The following CDKAL1 variants were observed in gnomAD, a reference collection of about 807,000 sequenced individuals.
CDKAL1 encodes the protein CDKAL1 threonylcarbamoyladenosine tRNA methylthiotransferase.
A neutral mutation model predicts 68.2 loss-of-function variants in CDKAL1; 32 were observed. The observed-to-expected ratio is 0.47, with a 90% confidence interval of 0.35 to 0.63. The LOEUF (loss-of-function observed/expected upper bound fraction) is 0.63, where lower values mean the gene tolerates loss of function less well. Among genes scored for constraint, CDKAL1 ranks in the 30% least tolerant of loss-of-function variants. The pLI is 0.00. For synonymous variants in CDKAL1, 234 were observed against 244.3 expected (o/e 0.96, Z 0.39); for missense variants, 606 against 696.7 (o/e 0.87, Z 1.47).
At chr6:20,843,633 C>T (rs1424274710) in intron 8 of CDKAL1, among the ~76,000 whole-genome samples, 1 of 152,076 alleles carries the variant, frequency 6.6e-6, no homozygotes, top group East Asian at 1.9e-4. Flanking sequence ...AAAATTTTGA[C>T]TGCATTTTGA....
chr6:21,035,054 G>A (rs377728131), intron 11 of CDKAL1, among the ~76,000 whole-genome samples: 2 of 152,124 alleles, frequency 1.3e-5, no homozygotes, highest in Admixed American at 6.6e-5. Context: ...AGAGCAAAAC[G>A]GAGACACCAT....
At chr6:21,056,240 T>TAA (rs1295917336) in intron 11 of CDKAL1, among the ~76,000 whole-genome samples, 6 of 152,208 alleles carry the variant, frequency 3.9e-5, no homozygotes, top group Non-Finnish European at 7.3e-5. Flanking sequence ...GTCCTTCACT[T>TAA]TCCTTGATAG....
intron 9 of CDKAL1, among the ~76,000 whole-genome samples, chr6:20,864,042 G>A (rs1759779300): frequency 6.6e-6 from 1 of 152,094 alleles, no homozygotes; most frequent in Non-Finnish European, 1.5e-5. Context: ...AACTTGGCAC[G>A]ATGTTAACTG....
At chr6:20,816,128 CCCGCCT>C (rs770589040) in intron 8 of CDKAL1, among the ~76,000 whole-genome samples, 4 of 137,448 alleles carry the variant, frequency 2.9e-5, no homozygotes, top group South Asian at 2.3e-4. Flanking sequence ...TGTCCCCCCC[CCCGCCT>C]TTTTTTTTTA....
At chr6:21,090,908 G>A (rs1042781980) in intron 12 of CDKAL1, among the ~76,000 whole-genome samples, 2 of 149,150 alleles carry the variant, frequency 1.3e-5, no homozygotes, top group African/African-American at 4.9e-5. Flanking sequence ...TGGGTCACAC[G>A]ATCCTCCTGC....
At chr6:20,584,342 C>G (rs1489741042) in intron 4 of CDKAL1, among the ~76,000 whole-genome samples, 1 of 151,928 alleles carries the variant, frequency 6.6e-6, no homozygotes, top group Non-Finnish European at 1.5e-5. Context: ...AAAGAGCAGC[C>G]CTGGTCAGTG....
chr6:20,975,862 G>A (rs1428687602), intron 10 of CDKAL1, among the ~76,000 whole-genome samples: 2 of 152,076 alleles, frequency 1.3e-5, no homozygotes, highest in Admixed American at 1.3e-4. Context: ...GTACTTTATG[G>A]CACTCTTACT....
chr6:21,104,105 C>T (rs1223394118), intron 12 of CDKAL1, among the ~76,000 whole-genome samples: 2 of 152,164 alleles, frequency 1.3e-5, no homozygotes, highest in Admixed American at 6.5e-5. Flanking sequence ...GATTTCTTCT[C>T]AGAGCTTCTG....
chr6:20,560,254 TA>T (rs1764215759), intron 4 of CDKAL1, among the ~76,000 whole-genome samples: 2 of 152,258 alleles, frequency 1.3e-5, no homozygotes, highest in East Asian at 3.8e-4. Context: ...ATTGATTTTT[TA>T]AAAAACTTTT....
intron 12 of CDKAL1, among the ~76,000 whole-genome samples, chr6:21,101,401 A>T (rs1421769039): frequency 6.6e-6 from 1 of 152,204 alleles, no homozygotes; most frequent in Non-Finnish European, 1.5e-5. Flanking sequence ...ATTCGCTAAT[A>T]GTTCTAACCT....
At chr6:20,728,760 C>A (rs763549322) in intron 5 of CDKAL1, among the ~76,000 whole-genome samples, 15 of 152,130 alleles carry the variant, frequency 9.9e-5, no homozygotes, top group Non-Finnish European at 1.6e-4. Flanking sequence ...GAGGCAGTCA[C>A]CTTACCAAGT....
intron 5 of CDKAL1, among the ~76,000 whole-genome samples, chr6:20,736,595 C>A (rs569566007): frequency 4.6e-5 from 7 of 152,022 alleles, no homozygotes; most frequent in African/African-American, 1.7e-4. Context: ...ACGGTGAAAC[C>A]CCATCTCTAC....
chr6:20,878,686 A>C (rs1020032149), intron 9 of CDKAL1, among the ~76,000 whole-genome samples: 3 of 152,082 alleles, frequency 2.0e-5, no homozygotes, highest in Non-Finnish European at 4.4e-5. Context: ...CAGTGAGCTG[A>C]GATCATGCCA....
chr6:20,976,417 T>C (rs749998135), intron 10 of CDKAL1, among the ~76,000 whole-genome samples: 3 of 152,242 alleles, frequency 2.0e-5, no homozygotes, highest in Non-Finnish European at 4.4e-5. Context: ...TGAATCCATT[T>C]GTTCCTTCAT....
At chr6:21,111,936 G>T (rs562635454) in intron 13 of CDKAL1, among the ~76,000 whole-genome samples, 1 of 152,206 alleles carries the variant, frequency 6.6e-6, no homozygotes, top group Non-Finnish European at 1.5e-5. Flanking sequence ...GCATTATGTT[G>T]TTTCCTTTGT....
chr6:21,086,231 C>T (rs1772686219), intron 12 of CDKAL1, among the ~76,000 whole-genome samples: 1 of 152,162 alleles, frequency 6.6e-6, no homozygotes, highest in Admixed American at 6.6e-5. Context: ...GGATTCAAAA[C>T]CAAGAATTCT....
intron 4 of CDKAL1, among the ~76,000 whole-genome samples, chr6:20,647,476 C>T (rs1768529612): frequency 6.6e-6 from 1 of 152,144 alleles, no homozygotes; most frequent in Admixed American, 6.5e-5. Flanking sequence ...ACTCTGTGCC[C>T]ATCACTCTGT....
intron 7 of CDKAL1, 63 bp downstream of exon 7, chr6:20,758,706 A>G: frequency 8.4e-7 from 1 of 1,188,692 alleles, no homozygotes; most frequent in African/African-American, 1.5e-5. Flanking sequence ...TAGAAACACC[A>G]CTCAGGTAAC....
chr6:20,911,236 ATGT>A (rs1167186203), intron 9 of CDKAL1, among the ~76,000 whole-genome samples: 3 of 152,252 alleles, frequency 2.0e-5, no homozygotes, highest in South Asian at 2.1e-4. Context: ...GTAAGAGAAC[ATGT>A]TGTGGTATAG....
Sources: gnomAD v4.1 joint callset for allele counts (sites outside exome capture counted in the v4.1 genomes callset) on GRCh38, gnomAD v4.1.1 for gene constraint, MANE v1.5 for transcripts, NCBI Gene and HGNC (gene_info 2026-07-23, HGNC 2026-07-21) for gene names.